The following INSR variants were observed in gnomAD, a reference collection of about 807,000 sequenced individuals.
The protein encoded by INSR is IR.
Under a neutral mutation model 142.6 loss-of-function variants are expected in INSR, and 67 were observed. The ratio of observed to expected loss-of-function variants is 0.47; its 90% CI spans 0.39 to 0.58. The LOEUF is 0.58. Among genes scored for constraint, INSR ranks in the 20% least tolerant of loss-of-function variants. The pLI is 0.00. For missense variants in INSR, 1,248 were observed against 1,833.2 expected, an observed-to-expected ratio of 0.68 and a Z score of 5.83; for synonymous variants, 756 against 743.1, an observed-to-expected ratio of 1.02 and a Z score of -0.28.
intron 2 of INSR, among the ~76,000 whole-genome samples, chr19:7,199,156 C>T (rs946043863): frequency 6.6e-6 from 1 of 152,158 alleles, no homozygotes; most frequent in African/African-American, 2.4e-5. Context: ...GTTGGGATTA[C>T]AGGCATGAAT....
intron 1 of INSR, among the ~76,000 whole-genome samples, chr19:7,276,351 G>T (rs981787452): frequency 6.6e-6 from 1 of 151,902 alleles, no homozygotes; most frequent in Non-Finnish European, 1.5e-5. Context: ...TCACCATGTT[G>T]CCCAGGCTGG....
At chr19:7,233,366 G>A (rs1268036500) in intron 2 of INSR, among the ~76,000 whole-genome samples, 10 of 152,168 alleles carry the variant, frequency 6.6e-5, no homozygotes, top group Admixed American at 6.5e-4. Context: ...CTTGCCCAGA[G>A]CCCCACGGCT....
rs71177177 is a variant in INSR at position 7,226,728 on chromosome 19, C to CAAAAAAAA, written c.652+40609_652+40616dup. Among the ~76,000 whole-genome samples the CAAAAAAAA allele has an allele frequency of 2.4e-4, 27 of 112,852 alleles. 2 individuals are homozygous for CAAAAAAAA. The highest frequency in any genetic ancestry group is 5.2e-4 in the Admixed American group (5 of 9,588). 74.0% of individuals were successfully genotyped at this position (112,852 alleles called of 152,430 possible). ...GGGCAACAGAGCCAGACCCTGTTTCCAAAAAAAAAAAAAAAATGCCTGAAG... is the reference window on the plus strand; with the variant it reads ...GGGCAACAGAGCCAGACCCTGTTTCCAAAAAAAAAAAAAAAAAAAAAAAATGCCTGAAG... On this transcript the variant is annotated intron_variant, in intron 2 of 21. Coordinates refer to ENST00000302850, the MANE Select transcript of INSR (RefSeq NM_000208.4).
chr19:7,222,425 G>A (rs1351715728), intron 2 of INSR, among the ~76,000 whole-genome samples: 1 of 152,086 alleles, frequency 6.6e-6, no homozygotes, highest in East Asian at 1.9e-4. Context: ...ACAGGGTCTT[G>A]CTCTGTTGTC....
intron 2 of INSR, among the ~76,000 whole-genome samples, chr19:7,251,147 G>A (rs34269817): frequency 0.023 from 3,510 of 151,946 alleles, 85 homozygotes; most frequent in Middle Eastern, 0.041. Context: ...CCCTGGAGTT[G>A]TGACAACCAA....
chr19:7,251,400 G>A (rs1204782693), intron 2 of INSR, among the ~76,000 whole-genome samples: 1 of 151,890 alleles, frequency 6.6e-6, no homozygotes, highest in African/African-American at 2.4e-5. Context: ...GGGACTACAG[G>A]CATGCACCAC....
At chr19:7,286,594 C>T (rs1295629869) in intron 1 of INSR, among the ~76,000 whole-genome samples, 1 of 151,880 alleles carries the variant, frequency 6.6e-6, no homozygotes, top group Non-Finnish European at 1.5e-5. Flanking sequence ...CATTATGTTG[C>T]CCAGGCTGGT....
At chr19:7,231,295 GTTTTTTTTT>G (rs59830751) in intron 2 of INSR, among the ~76,000 whole-genome samples, 2 of 135,002 alleles carry the variant, frequency 1.5e-5, no homozygotes, top group African/African-American at 2.8e-5. Context: ...GGTGTTTTTT[GTTTTTTTTT>G]TTTTTTTTTT....
Position 7,117,209 on chromosome 19 carries a change from G to T in INSR, c.3996C>A (p.Ser1332=). Residue 1332 remains serine, a synonymous_variant, in exon 22 of 22, where the codon TCC becomes TCA. Transcript: ENST00000302850. ...EDMENVPLDR[S]SHCQREEAGG... ...CCGCCTCCTCCCTCTGACAGTGCGA[G>T]GAACGGTCCAGGGGCACATTCTCCA... The T allele has an allele frequency of 6.2e-7, 1 of 1,614,162 alleles. No homozygotes were observed. The highest frequency in any genetic ancestry group is 8.5e-7 in the Non-Finnish European group (1 of 1,180,026).
intron 10 of INSR, chr19:7,152,418 G>A: frequency 2.6e-6 from 1 of 382,452 alleles, no homozygotes; most frequent in Non-Finnish European, 4.9e-6. Flanking sequence ...AAAAAAAAAT[G>A]TTAATCGTCT....
intron 1 of INSR, among the ~76,000 whole-genome samples, chr19:7,291,738 G>A (rs1218171721): frequency 6.6e-6 from 1 of 152,050 alleles, no homozygotes; most frequent in Non-Finnish European, 1.5e-5. Context: ...AGAAGAACAG[G>A]GAACCACACA....
intron 3 of INSR, among the ~76,000 whole-genome samples, chr19:7,180,819 C>T (rs1057215730): frequency 1.3e-5 from 2 of 152,122 alleles, no homozygotes; most frequent in East Asian, 1.9e-4. Flanking sequence ...CAGGGGGCAC[C>T]GGAATGAAAT....
chr19:7,193,840 C>T (rs1284162161), intron 2 of INSR, among the ~76,000 whole-genome samples: 2 of 151,966 alleles, frequency 1.3e-5, no homozygotes, highest in Admixed American at 1.3e-4. Flanking sequence ...CAGGCGTACA[C>T]CACCATGCTT....
intron 8 of INSR, among the ~76,000 whole-genome samples, chr19:7,164,734 G>A (rs1188256539): frequency 4.0e-5 from 6 of 149,332 alleles, no homozygotes; most frequent in African/African-American, 1.5e-4. Context: ...GCTGAGGCAG[G>A]AGAATCGCTT....
Position 7,211,391 on chromosome 19 carries a change from C to A in INSR, c.653-26754G>T, listed in dbSNP as rs547421588. 4.6e-5 allele frequency among the ~76,000 whole-genome samples: 7 copies of A among 152,236 alleles called. 2 individuals are homozygous for A. The South Asian group carries it at 1.5e-3, about 32-fold the overall frequency. Reference sequence around the variant, plus strand: ...GTCTTATTTAGCAATAAGCTACATTCCATTTTCAGGAGGTGACGCTGTCAT... The same window carrying A: ...GTCTTATTTAGCAATAAGCTACATTACATTTTCAGGAGGTGACGCTGTCAT... On this transcript the variant is annotated intron_variant, in intron 2 of 21. Coordinates refer to ENST00000302850, the MANE Select transcript of INSR (RefSeq NM_000208.4).
At chr19:7,151,216 TTCTC>T (rs1241171903) in intron 10 of INSR, among the ~76,000 whole-genome samples, 25 of 135,724 alleles carry the variant, frequency 1.8e-4, no homozygotes, top group African/African-American at 5.7e-4. Context: ...TTCTTTTTCT[TTCTC>T]TCTTCCTTCC....
intron 12 of INSR, among the ~76,000 whole-genome samples, chr19:7,142,604 G>C (rs921436921): frequency 1.3e-5 from 2 of 149,810 alleles, no homozygotes; most frequent in Non-Finnish European, 3.0e-5. Context: ...CTGAAGCAGG[G>C]AATCACTTGA....
chr19:7,136,122 G>A (rs748815404), intron 13 of INSR, among the ~76,000 whole-genome samples: 46 of 151,952 alleles, frequency 3.0e-4, no homozygotes, highest in Non-Finnish European at 5.9e-4. Context: ...TGCCACGCTC[G>A]TGGGCATGAA....
At chr19:7,214,483 C>T (rs1975371330) in intron 2 of INSR, among the ~76,000 whole-genome samples, 1 of 152,180 alleles carries the variant, frequency 6.6e-6, no homozygotes, top group Admixed American at 6.6e-5. Context: ...CTAACCTGGC[C>T]TGAGGTCCTC....
Sources: allele counts gnomAD v4.1 joint callset (sites outside exome capture counted in the v4.1 genomes callset), GRCh38; gene constraint gnomAD v4.1.1; transcripts MANE v1.5; gene names NCBI Gene and HGNC (gene_info 2026-07-23, HGNC 2026-07-21).